The following EYS variants were observed in gnomAD, a reference collection of about 807,000 sequenced individuals.
EYS encodes EGF-like photoreceptor maintenance factor.
In EYS, 250 loss-of-function variants were observed where a neutral mutation model predicts 282.1. The observed-to-expected ratio is 0.89, with a 90% CI of 0.80 to 0.98. The LOEUF is 0.98. EYS is among the 50% of genes least tolerant of loss of function. EYS has a pLI of 0.00. For missense variants in EYS, 4,016 were observed against 3,709.0 expected, an observed-to-expected ratio of 1.08 and a Z score of -2.15; for synonymous variants, 1,355 against 1,282.9, an observed-to-expected ratio of 1.06 and a Z score of -1.20.
At chr6:63,813,803 G>A (rs56360535) in intron 36 of EYS, among the ~76,000 whole-genome samples, 14,295 of 152,052 alleles carry the variant, frequency 0.094, 709 homozygotes, top group East Asian at 0.16. Flanking sequence ...CAGATGGTAG[G>A]TAGATCTTCC....
intron 28 of EYS, 56 bp from the exon 29 acceptor site, chr6:64,388,896 G>T: frequency 9.0e-7 from 1 of 1,105,150 alleles, no homozygotes; most frequent in South Asian, 2.3e-5. Context: ...ACATTTATCT[G>T]ACAAATTAAT....
chr6:64,240,963 G>T (rs544682295), intron 30 of EYS, among the ~76,000 whole-genome samples: 16 of 152,210 alleles, frequency 1.1e-4, no homozygotes, highest in East Asian at 1.9e-4. Context: ...TAGCCTGAAG[G>T]CCTGCTGAAT....
intron 14 of EYS, among the ~76,000 whole-genome samples, chr6:64,956,391 C>G (rs559381674): frequency 3.3e-5 from 5 of 152,060 alleles, no homozygotes; most frequent in Non-Finnish European, 5.9e-5. Flanking sequence ...TATCCATAGA[C>G]AAAAGAATGA....
chr6:65,065,865 C>T (rs12207169), intron 12 of EYS, among the ~76,000 whole-genome samples: 6,907 of 152,246 alleles, frequency 0.045, 210 homozygotes, highest in Middle Eastern at 0.068. Flanking sequence ...ACACTTACTA[C>T]CTTATGGTTT....
Position 65,001,839 on chromosome 6 carries a change from C to A in EYS, c.2138-4136G>T, listed in dbSNP as rs1418425630. 1.4e-5 allele frequency among the ~76,000 whole-genome samples: 2 copies of A among 146,734 alleles called. 1 individual carries two copies. The highest frequency in any genetic ancestry group is 3.0e-5 in the Non-Finnish European group (2 of 65,696). On this transcript the variant is annotated intron_variant, in intron 13 of 42. Transcript: ENST00000503581. The stretch of plus-strand genomic sequence containing the variant: ...AATAAATATTTTGGTTGCCTGGTAG[C>A]TAAATATCCTTAGATGGGGTCCAAA...
chr6:64,020,992 G>A (rs1769161645), intron 33 of EYS, among the ~76,000 whole-genome samples: 1 of 151,892 alleles, frequency 6.6e-6, no homozygotes, highest in South Asian at 2.1e-4. Flanking sequence ...AAATATTAGG[G>A]GAAGAACCAA....
intron 2 of EYS, among the ~76,000 whole-genome samples, chr6:65,634,067 A>G (rs1486477375): frequency 2.0e-5 from 3 of 152,250 alleles, no homozygotes; most frequent in African/African-American, 7.2e-5. Flanking sequence ...TAAAATAAAC[A>G]GACTTGACTG....
At chr6:65,190,501 C>T (rs1765616680) in intron 12 of EYS, among the ~76,000 whole-genome samples, 1 of 151,424 alleles carries the variant, frequency 6.6e-6, no homozygotes, top group Non-Finnish European at 1.5e-5. Flanking sequence ...CCTACTGTGT[C>T]TGACGAATAA....
intron 2 of EYS, among the ~76,000 whole-genome samples, chr6:65,593,397 G>A (rs576085722): frequency 2.0e-4 from 30 of 152,124 alleles, no homozygotes; most frequent in Non-Finnish European, 3.4e-4. Flanking sequence ...TACTTCGGGC[G>A]AAACTGGTGC....
intron 41 of EYS, among the ~76,000 whole-genome samples, chr6:63,734,258 C>T (rs1382283831): frequency 6.6e-6 from 1 of 151,938 alleles, no homozygotes; most frequent in Non-Finnish European, 1.5e-5. Flanking sequence ...GCACATGTAC[C>T]TCCTGAATCT....
chr6:65,175,079 CTT>C (rs1765194130), intron 12 of EYS, among the ~76,000 whole-genome samples: 1 of 151,200 alleles, frequency 6.6e-6, no homozygotes, highest in Non-Finnish European at 1.5e-5. Flanking sequence ...GAAAAAGTCT[CTT>C]TTATTTTTTG....
chr6:63,879,303 T>G (rs893520906), intron 35 of EYS, among the ~76,000 whole-genome samples: 1 of 152,180 alleles, frequency 6.6e-6, no homozygotes. Context: ...GAATAAGTTA[T>G]CAATATAACT....
chr6:64,571,536 C>T (rs918922201), intron 26 of EYS, among the ~76,000 whole-genome samples: 2 of 151,830 alleles, frequency 1.3e-5, no homozygotes, highest in East Asian at 3.9e-4. Flanking sequence ...ACTAGCCAGA[C>T]TAATAAAGAA....
chr6:65,368,731 A>C (rs1765015267), intron 8 of EYS, among the ~76,000 whole-genome samples: 2 of 151,890 alleles, frequency 1.3e-5, no homozygotes, highest in South Asian at 4.1e-4. Flanking sequence ...AAAAGTGAAC[A>C]GCTAGTTTGA....
At chr6:65,613,112 TG>T (rs1444731213) in intron 2 of EYS, among the ~76,000 whole-genome samples, 1 of 151,868 alleles carries the variant, frequency 6.6e-6, no homozygotes, top group Non-Finnish European at 1.5e-5. Flanking sequence ...CTATTTCCAT[TG>T]CACAGATATA....
At chr6:64,361,865 T>C (rs917957080) in intron 29 of EYS, among the ~76,000 whole-genome samples, 15 of 151,886 alleles carry the variant, frequency 9.9e-5, no homozygotes, top group African/African-American at 3.4e-4. Context: ...TACATGGAAA[T>C]GACATTTAGA....
At chr6:64,740,658 C>T (rs1395492866) in intron 22 of EYS, among the ~76,000 whole-genome samples, 5 of 151,584 alleles carry the variant, frequency 3.3e-5, no homozygotes, top group African/African-American at 1.2e-4. Context: ...TGTCATTGCA[C>T]AGTAACTTTG....
chr6:64,195,906 AC>A (rs1205754541), intron 31 of EYS, among the ~76,000 whole-genome samples: 2 of 152,194 alleles, frequency 1.3e-5, no homozygotes, highest in Admixed American at 6.5e-5. Flanking sequence ...ATCTCATTAA[AC>A]TAAAGAGCTT....
chr6:65,391,943 A>G (rs1766053616), intron 7 of EYS, among the ~76,000 whole-genome samples: 1 of 152,098 alleles, frequency 6.6e-6, no homozygotes, highest in South Asian at 2.1e-4. Context: ...ATAGTAACCA[A>G]AACAGCATGG....
Sources: gnomAD v4.1 joint callset for allele counts (sites outside exome capture counted in the v4.1 genomes callset) on GRCh38, gnomAD v4.1.1 for gene constraint, MANE v1.5 for transcripts, NCBI Gene and HGNC (gene_info 2026-07-23, HGNC 2026-07-21) for gene names.